The following CTXN2 variants were observed in gnomAD, a reference collection of about 807,000 sequenced individuals.
The protein encoded by CTXN2 is cortexin-2.
CTXN2 carries 3 observed loss-of-function variants against 5.7 expected under a neutral mutation model. That is an observed-to-expected ratio of 0.53 (90% CI 0.24 to 1.36). The LOEUF is 1.36. Ranked by LOEUF, CTXN2 falls within the 40% of genes most tolerant of loss-of-function variation. The pLI is 0.17. For synonymous variants in CTXN2, 38 were observed against 36.4 expected (o/e 1.04, Z -0.16); for missense variants, 87 against 93.0 (o/e 0.94, Z 0.26).
intron 1 of CTXN2, among the ~76,000 whole-genome samples, chr15:48,182,331 T>G (rs956489902): frequency 6.6e-6 from 1 of 152,214 alleles, no homozygotes; most frequent in Non-Finnish European, 1.5e-5. Flanking sequence ...ATTCAAATAA[T>G]TCAGAAAATA....
chr15:48,179,311 A>C (rs2040664407), intron 1 of CTXN2, among the ~76,000 whole-genome samples: 1 of 152,122 alleles, frequency 6.6e-6, no homozygotes, highest in African/African-American at 2.4e-5. Context: ...AGTTATAGTT[A>C]GAAAGTAATA....
At chr15:48,189,524 A>T (rs2040793334), upstream of CTXN2, 1 of 152,212 alleles carries the variant, frequency 6.6e-6, no homozygotes, top group Non-Finnish European at 1.5e-5. Flanking sequence ...AAAGAGAATG[A>T]ATGGTTATAG....
Position 48,185,928 on chromosome 15 carries a change from CAATT to C in CTXN2, c.-454-5528_-454-5525del, listed in dbSNP as rs546645998. Among the ~76,000 whole-genome samples, 13 of 152,278 alleles carry C rather than the reference CAATT, an allele frequency of 8.5e-5. No homozygotes were observed. The South Asian group carries it at 2.5e-3, about 29-fold the overall frequency. The stretch of plus-strand genomic sequence containing the variant: ...GTATTGGGGAAAATCATGTATAAAA[CAATT>C]GATTTCCACATTTCATTGACATTCC... On this transcript the variant is annotated intron_variant, in intron 1 of 2. Coordinates refer to the CTXN2 transcript ENST00000644354.
intron 1 of CTXN2, among the ~76,000 whole-genome samples, chr15:48,179,154 C>T (rs1193740015): frequency 6.6e-6 from 1 of 152,072 alleles, no homozygotes; most frequent in Non-Finnish European, 1.5e-5. Flanking sequence ...TAATCAACTC[C>T]TAATTCTCGA....
chr15:48,182,430 A>T (rs2040707900), intron 1 of CTXN2, among the ~76,000 whole-genome samples: 1 of 152,180 alleles, frequency 6.6e-6, no homozygotes, highest in Non-Finnish European at 1.5e-5. Flanking sequence ...ATTGTACCGT[A>T]TTACAGCCCT....
At chr15:48,185,781 A>G (rs1217454337) in intron 1 of CTXN2, among the ~76,000 whole-genome samples, 1 of 152,200 alleles carries the variant, frequency 6.6e-6, no homozygotes, top group African/African-American at 2.4e-5. Context: ...TTAAGCCAAG[A>G]GGAAAAAGGA....
chr15:48,197,564 C>G (rs1402033087), intron 1 of CTXN2, among the ~76,000 whole-genome samples: 2 of 152,024 alleles, frequency 1.3e-5, no homozygotes, highest in African/African-American at 4.8e-5. Context: ...TGACATCTAA[C>G]AGATACTCAA....
chr15:48,194,765 A>G (rs1397713694), intron 1 of CTXN2, among the ~76,000 whole-genome samples: 1 of 152,140 alleles, frequency 6.6e-6, no homozygotes, highest in African/African-American at 2.4e-5. Context: ...TTACAGTAAA[A>G]TTGCTCTCTG....
chr15:48,198,821 T>C (rs921271721), intron 1 of CTXN2, among the ~76,000 whole-genome samples: 10 of 152,190 alleles, frequency 6.6e-5, no homozygotes, highest in Admixed American at 6.5e-5. Flanking sequence ...TCAAAACACC[T>C]AAATAAATTT....
chr15:48,182,316 CA>C (rs2040707277), intron 1 of CTXN2, among the ~76,000 whole-genome samples: 1 of 152,218 alleles, frequency 6.6e-6, no homozygotes, highest in South Asian at 2.1e-4. Flanking sequence ...ACTTTTACCT[CA>C]ATTATTCAAA....
chr15:48,192,508 G>A (rs1447580223), intron 1 of CTXN2: 1 of 152,164 alleles, frequency 6.6e-6, no homozygotes. Context: ...AACTACCTCT[G>A]TGCAGATGTG....
intron 1 of CTXN2, among the ~76,000 whole-genome samples, chr15:48,180,145 G>T (rs982480874): frequency 1.3e-5 from 2 of 152,186 alleles, no homozygotes; most frequent in Non-Finnish European, 2.9e-5. Context: ...GCCTTAGTTT[G>T]CCAATTAAAA....
rs114160060 is a variant in CTXN2, at chr15:48,182,966, C to T, written c.-455+4566C>T. The stretch of plus-strand genomic sequence containing the variant: ...TCTGCTGACTTAACATTCCATCTGC[C>T]GTTTGCTGATACCCACAAAGTTACC... On this transcript the variant is annotated intron_variant, in intron 1 of 2. Coordinates refer to the CTXN2 transcript ENST00000644354. Among the ~76,000 whole-genome samples the T allele has an allele frequency of 4.9e-3, 750 of 152,278 alleles. 5 individuals are homozygous for T. Among genetic ancestry groups the T allele is most frequent in the African/African-American group, 0.017 (712 of 41,538 alleles).
intron 1 of CTXN2, among the ~76,000 whole-genome samples, chr15:48,185,698 A>G (rs1349578384): frequency 6.6e-6 from 1 of 152,224 alleles, no homozygotes; most frequent in African/African-American, 2.4e-5. Context: ...TGAGTTACAA[A>G]AACAAGGACA....
intron 1 of CTXN2, among the ~76,000 whole-genome samples, chr15:48,183,709 T>A (rs1213594534): frequency 6.6e-6 from 1 of 152,218 alleles, no homozygotes; most frequent in Non-Finnish European, 1.5e-5. Context: ...ACTTGTGACT[T>A]ATCTTATTCT....
At chr15:48,201,211 G>A (rs2040925877) in intron 1 of CTXN2, 33 bp from the exon 2 acceptor site, 1 of 1,394,490 alleles carries the variant, frequency 7.2e-7, no homozygotes, top group African/African-American at 1.4e-5. Flanking sequence ...CCATACAAGG[G>A]TAAAACTAAA....
intron 1 of CTXN2, among the ~76,000 whole-genome samples, chr15:48,192,796 G>GA (rs1314864533): frequency 1.3e-5 from 2 of 152,058 alleles, no homozygotes; most frequent in Non-Finnish European, 2.9e-5. Context: ...TAAACAAGAG[G>GA]AAAAACCTGT....
upstream of CTXN2, chr15:48,189,318 T>C (rs561643835): frequency 1.3e-5 from 2 of 152,344 alleles, no homozygotes; most frequent in South Asian, 4.1e-4. Context: ...TTCTACCTTT[T>C]AAACTAAGTG....
intron 1 of CTXN2, among the ~76,000 whole-genome samples, chr15:48,195,019 C>A (rs2040863457): frequency 6.6e-6 from 1 of 152,146 alleles, no homozygotes; most frequent in Non-Finnish European, 1.5e-5. Context: ...AAATTTTATG[C>A]TAGACAAAAT....
Sources: gnomAD v4.1 joint callset for allele counts (sites outside exome capture counted in the v4.1 genomes callset) on GRCh38, gnomAD v4.1.1 for gene constraint, MANE v1.5 for transcripts, NCBI Gene and HGNC (gene_info 2026-07-23, HGNC 2026-07-21) for gene names.